The following ZNF431 variants were observed in gnomAD, a reference collection of about 807,000 sequenced individuals.
The protein encoded by ZNF431 is zinc finger protein 431.
ZNF431 carries 34 observed loss-of-function variants against 57.0 expected under a neutral mutation model. The ratio of observed to expected loss-of-function variants is 0.60; its 90% CI spans 0.45 to 0.79. The LOEUF (loss-of-function observed/expected upper bound fraction) is 0.79. ZNF431 is among the 30% of genes least tolerant of loss of function. ZNF431 has a pLI of 0.00. For missense variants in ZNF431, 607 were observed against 667.1 expected, an observed-to-expected ratio of 0.91 and a Z score of 0.99; for synonymous variants, 207 against 220.3, an observed-to-expected ratio of 0.94 and a Z score of 0.54.
chr19:21,149,159 T>G (rs1427667431), intron 2 of ZNF431, among the ~76,000 whole-genome samples: 2 of 152,216 alleles, frequency 1.3e-5, no homozygotes, highest in African/African-American at 4.8e-5. Flanking sequence ...GTCTCTTTTC[T>G]TTATAACCTT....
At chr19:21,162,577 A>T (rs1288967364) in intron 2 of ZNF431, among the ~76,000 whole-genome samples, 1 of 152,110 alleles carries the variant, frequency 6.6e-6, no homozygotes. Context: ...AAGTGCTGGG[A>T]TTATAGGCAT....
chr19:21,164,971 A>C (rs1970677552), intron 2 of ZNF431, among the ~76,000 whole-genome samples: 1 of 151,540 alleles, frequency 6.6e-6, no homozygotes, highest in Non-Finnish European at 1.5e-5. Flanking sequence ...TTAGACAGGC[A>C]TGGTAGCACA....
chr19:21,169,604 G>A (rs773935437), intron 4 of ZNF431, among the ~76,000 whole-genome samples: 30 of 152,142 alleles, frequency 2.0e-4, no homozygotes, highest in Non-Finnish European at 4.3e-4. Context: ...TGTCACAAGG[G>A]CTTGGGTAAT....
rs1970721539 is a variant in ZNF431 at position 21,166,388 on chromosome 19, A to G, written c.150A>G (p.Glu50=). ...VAIEFSLEEW[E]CLNPAQQNLY... ...TAGAATTCTCTCTGGAGGAGTGGGA[A>G]TGCCTGAACCCTGCTCAGCAGAATT... Residue 50 remains glutamate (E), a synonymous_variant, in exon 3 of 5, where the codon GAA becomes GAG. Coordinates refer to ENST00000311048, the MANE Select transcript of ZNF431 (RefSeq NM_133473.4). 1.2e-6 allele frequency: 2 copies of G among 1,612,272 alleles called. No homozygotes were observed. The highest frequency in any genetic ancestry group is 1.7e-6 in the Non-Finnish European group (2 of 1,179,646).
chr19:21,174,576 C>T (rs1346451267), intron 4 of ZNF431, among the ~76,000 whole-genome samples: 5 of 152,024 alleles, frequency 3.3e-5, no homozygotes, highest in African/African-American at 1.2e-4. Context: ...ATAATTATTA[C>T]CACCTCACCC....
chr19:21,171,549 A>C (rs1313111986), intron 4 of ZNF431, among the ~76,000 whole-genome samples: 1 of 151,834 alleles, frequency 6.6e-6, no homozygotes, highest in East Asian at 1.9e-4. Context: ...GTGTGTGTTT[A>C]TCTATAAATA....
At chr19:21,167,715 C>T in intron 4 of ZNF431, 49 bp downstream of exon 4, 3 of 1,333,332 alleles carry the variant, frequency 2.3e-6, no homozygotes, top group South Asian at 1.5e-5. Context: ...AGGTCCAAAG[C>T]TTAAAAAAAA....
intron 4 of ZNF431, among the ~76,000 whole-genome samples, chr19:21,171,752 G>A (rs1232984989): frequency 2.7e-5 from 3 of 111,096 alleles, no homozygotes; most frequent in African/African-American, 3.6e-5. Flanking sequence ...ACAGAGTCTC[G>A]CCTTTTCGCC....
intron 2 of ZNF431, chr19:21,150,036 G>A (rs1300955749): frequency 1.3e-5 from 8 of 596,898 alleles, no homozygotes; most frequent in African/African-American, 9.3e-5. Flanking sequence ...ATTCCTGCTC[G>A]AAGGACACGT....
At chr19:21,181,826 G>A (rs549692582) in intron 4 of ZNF431, among the ~76,000 whole-genome samples, 221 of 151,928 alleles carry the variant, frequency 1.5e-3, no homozygotes, top group Non-Finnish European at 2.0e-3. Flanking sequence ...TAATTTTGGT[G>A]GAGCGATTTT....
chr19:21,165,490 A>G lies in ZNF431; in HGVS notation c.97-845A>G, dbSNP rs182438004. ...TCTATAATTGACTTTTTGAGGGGCA[A>G]TATCTCAGCAGTGATGCTGTGTTCT... On this transcript the variant is annotated intron_variant, in intron 2 of 4. Coordinates refer to ENST00000311048, the MANE Select transcript of ZNF431 (RefSeq NM_133473.4). Among the ~76,000 whole-genome samples, 9 of 152,344 alleles carry G rather than the reference A, an allele frequency of 5.9e-5. 1 individual carries two copies. Among genetic ancestry groups the G allele is most frequent in the Admixed American group, 4.6e-4 (7 of 15,298 alleles).
chr19:21,160,457 A>G (rs1568302425), intron 2 of ZNF431, among the ~76,000 whole-genome samples: 2 of 152,194 alleles, frequency 1.3e-5, no homozygotes, highest in Admixed American at 6.5e-5. Flanking sequence ...GGAGCAGAGT[A>G]TTCTTGTCCT....
At chr19:21,165,670 A>G (rs1203368535) in intron 2 of ZNF431, among the ~76,000 whole-genome samples, 3 of 151,740 alleles carry the variant, frequency 2.0e-5, no homozygotes, top group Admixed American at 1.3e-4. Flanking sequence ...TGCATAAACC[A>G]TCACAATTAA....
chr19:21,149,227 C>T (rs1970194589), intron 2 of ZNF431, among the ~76,000 whole-genome samples: 1 of 152,146 alleles, frequency 6.6e-6, no homozygotes, highest in Non-Finnish European at 1.5e-5. Context: ...TTAGAATCTA[C>T]TGGCTTCAAG....
chr19:21,163,726 G>A (rs905988118), intron 2 of ZNF431, among the ~76,000 whole-genome samples: 7 of 151,932 alleles, frequency 4.6e-5, no homozygotes, highest in African/African-American at 1.7e-4. Flanking sequence ...CTCCCTGTTT[G>A]TCAGGCTGGT....
chr19:21,164,893 T>C (rs1202631268), intron 2 of ZNF431, among the ~76,000 whole-genome samples: 1 of 151,702 alleles, frequency 6.6e-6, no homozygotes, highest in Admixed American at 6.6e-5. Flanking sequence ...GGTGGATCAC[T>C]TGAGGTTGGG....
chr19:21,172,266 T>G lies in ZNF431; in HGVS notation c.319+4600T>G, dbSNP rs541210705. 7.9e-5 allele frequency among the ~76,000 whole-genome samples: 12 copies of G among 151,010 alleles called. No individual in the cohort carries two copies. The South Asian group carries it at 2.5e-3, about 32-fold the overall frequency. On this transcript the variant is annotated intron_variant, in intron 4 of 4. Transcript: ENST00000311048. Reference sequence around the variant, plus strand: ...CAATATGGTGAAACCCTGTCTCTACTAAAAATACAAAATTAGCCAGACATG... The same window carrying G: ...CAATATGGTGAAACCCTGTCTCTACGAAAAATACAAAATTAGCCAGACATG...
intron 4 of ZNF431, among the ~76,000 whole-genome samples, chr19:21,173,573 T>C (rs1166588159): frequency 6.6e-6 from 1 of 152,204 alleles, no homozygotes; most frequent in Admixed American, 6.5e-5. Context: ...CCTGCTGTTG[T>C]CACCCAGGCA....
rs904120896 is a variant in ZNF431 at position 21,192,869 on chromosome 19, T to C, written c.*8835T>C. On this transcript the variant is annotated 3_prime_UTR_variant, in exon 5 of 5. Transcript: ENST00000311048. ...TCTTTGCACTCTGCATATATTTAAG[T>C]TTTAGAGATGTGAAATCACAACTAA... 1 of 152,164 alleles carries C rather than the reference T, an allele frequency of 6.6e-6. No homozygotes were observed. Among genetic ancestry groups the C allele is most frequent in the African/African-American group, 2.4e-5 (1 of 41,446 alleles). The allele number at this position is 152,164 out of a possible 1,614,324, so 9.4% of individuals were successfully genotyped here. A position where few individuals can be genotyped will look rare whatever the true frequency, so the allele number is the denominator to read the frequency against.
Sources: allele counts gnomAD v4.1 joint callset (sites outside exome capture counted in the v4.1 genomes callset), GRCh38; gene constraint gnomAD v4.1.1; transcripts MANE v1.5; gene names NCBI Gene and HGNC (gene_info 2026-07-23, HGNC 2026-07-21).